The following MORC1 variants were observed in gnomAD, a reference collection of about 807,000 sequenced individuals.
The protein encoded by MORC1 is MORC family CW-type zinc finger protein 1.
In MORC1, 59 loss-of-function variants were observed where a neutral mutation model predicts 134.9. The observed-to-expected ratio is 0.44, with a 90% CI of 0.35 to 0.54. MORC1 has a LOEUF of 0.54. MORC1 is among the 20% of genes least tolerant of loss of function. The probability of loss-of-function intolerance (pLI) is 0.00; values close to 1 mark genes in which losing one functional copy is unlikely to be tolerated. For missense variants in MORC1, 947 were observed against 1,134.5 expected (o/e 0.83, Z 2.37); for synonymous variants, 395 against 391.7 (o/e 1.01, Z -0.10).
intron 8 of MORC1, among the ~76,000 whole-genome samples, chr3:109,074,611 G>A (rs1350396707): frequency 6.6e-6 from 1 of 152,172 alleles, no homozygotes; most frequent in Non-Finnish European, 1.5e-5. Flanking sequence ...GAAGGACAAT[G>A]GAACTGACAT....
At chr3:109,035,621 G>A (rs1008398655) in intron 14 of MORC1, among the ~76,000 whole-genome samples, 153 bp from the exon 15 acceptor site, 3 of 152,126 alleles carry the variant, frequency 2.0e-5, no homozygotes, top group East Asian at 1.9e-4. Context: ...AATATTGGTT[G>A]TCTCTGAATA....
intron 2 of MORC1, 143 bp downstream of exon 2, chr3:109,114,241 A>G: frequency 3.2e-6 from 2 of 634,684 alleles, no homozygotes; most frequent in Non-Finnish European, 5.1e-6. Flanking sequence ...TTTTTCCTAG[A>G]ACACCTTGAT....
At position 109,118,104 on chromosome 3, in the gene MORC1, G is replaced by C; in HGVS notation, c.-45C>G. 1 of 1,578,082 alleles carries C rather than the reference G, an allele frequency of 6.3e-7. No individual in the cohort carries two copies. The highest frequency in any genetic ancestry group is 8.6e-7 in the Non-Finnish European group (1 of 1,159,664). ...GCAACTCAAGGGGACAAGGACACCTGACCGGCAGCCGTTCGCCTGCGCCCG... is the reference window on the plus strand; with the variant it reads ...GCAACTCAAGGGGACAAGGACACCTCACCGGCAGCCGTTCGCCTGCGCCCG... On this transcript the variant is annotated 5_prime_UTR_variant, in exon 1 of 28. Transcript: ENST00000232603.
At chr3:109,061,138 G>T (rs1040031353) in intron 11 of MORC1, among the ~76,000 whole-genome samples, 1 of 152,112 alleles carries the variant, frequency 6.6e-6, no homozygotes, top group Non-Finnish European at 1.5e-5. Flanking sequence ...CTTGGTCCTG[G>T]AAAGTCAAAT....
intron 8 of MORC1, 91 bp from the exon 9 acceptor site, chr3:109,069,848 T>C (rs1950278680): frequency 5.2e-6 from 7 of 1,349,650 alleles, no homozygotes; most frequent in Non-Finnish European, 6.9e-6. Context: ...CAGGTTATTA[T>C]TGTTACTACA....
intron 23 of MORC1, among the ~76,000 whole-genome samples, chr3:108,984,274 CTGA>C (rs1483075689): frequency 6.6e-6 from 1 of 151,978 alleles, no homozygotes; most frequent in Non-Finnish European, 1.5e-5. Context: ...AAACATTCAG[CTGA>C]TTTCATTTTA....
chr3:109,008,195 C>G (rs1347797791), intron 17 of MORC1, among the ~76,000 whole-genome samples: 1 of 152,068 alleles, frequency 6.6e-6, no homozygotes, highest in Non-Finnish European at 1.5e-5. Flanking sequence ...TTTGGATCTT[C>G]TCAATCTTTT....
intron 8 of MORC1, 81 bp from the exon 9 acceptor site, chr3:109,069,838 C>A: frequency 7.0e-7 from 1 of 1,420,182 alleles, no homozygotes. Context: ...ATCAGACTAT[C>A]AGGTTATTAT....
chr3:108,996,590 A>C (rs1243061493), intron 21 of MORC1, among the ~76,000 whole-genome samples: 1 of 152,196 alleles, frequency 6.6e-6, no homozygotes, highest in African/African-American at 2.4e-5. Context: ...CTTTAACCAA[A>C]TCCCAGTTGG....
At chr3:109,008,722 A>G (rs867321338) in intron 17 of MORC1, among the ~76,000 whole-genome samples, 1 of 152,028 alleles carries the variant, frequency 6.6e-6, no homozygotes, top group East Asian at 1.9e-4. Context: ...ACTATATATA[A>G]TATTTTTAGC....
rs753276809 is a variant in MORC1 at position 109,061,969 on chromosome 3, CT to C, written c.966+18del. ...CACAATTTGCCATTTAATAAGACTA[CT>C]CTCTTTACATGTCGTACCTTGGCAG... On this transcript the variant is annotated intron_variant, in intron 11 of 27. Coordinates refer to ENST00000232603, the MANE Select transcript of MORC1 (RefSeq NM_014429.4). The C allele has an allele frequency of 6.2e-7, 1 of 1,609,738 alleles. No individual in the cohort carries two copies. The highest frequency in any genetic ancestry group is 1.1e-5 in the South Asian group (1 of 91,010).
At chr3:109,029,020 C>G (rs1949167255) in intron 16 of MORC1, among the ~76,000 whole-genome samples, 1 of 152,014 alleles carries the variant, frequency 6.6e-6, no homozygotes, top group Non-Finnish European at 1.5e-5. Flanking sequence ...GGCTGAGGAT[C>G]GAGAGAGGAC....
At chr3:109,069,302 A>G (rs1259686196) in intron 9 of MORC1, among the ~76,000 whole-genome samples, 1 of 152,220 alleles carries the variant, frequency 6.6e-6, no homozygotes, top group Non-Finnish European at 1.5e-5. Context: ...GTTCAAATGT[A>G]TTGTGTAAAC....
chr3:109,025,515 G>C (rs1300725893), intron 17 of MORC1, among the ~76,000 whole-genome samples: 1 of 150,486 alleles, frequency 6.6e-6, no homozygotes, highest in Non-Finnish European at 1.5e-5. Flanking sequence ...TGAAGTAGCT[G>C]GGATTACAGG....
At chr3:109,075,819 T>A (rs1028743952) in intron 8 of MORC1, among the ~76,000 whole-genome samples, 1 of 152,152 alleles carries the variant, frequency 6.6e-6, no homozygotes, top group Non-Finnish European at 1.5e-5. Flanking sequence ...AATAGTTTTT[T>A]TTTTATTCTG....
Position 108,959,102 on chromosome 3 carries a change from G to C in MORC1, c.2818C>G (p.Leu940Val). 6 of 1,579,890 alleles carry C rather than the reference G, an allele frequency of 3.8e-6. No individual in the cohort carries two copies. The highest frequency in any genetic ancestry group is 1.4e-5 in the African/African-American group (1 of 72,482). Residue 940 changes from leucine (L) to valine (V), a missense_variant, in exon 28 of 28, where the codon CTG (leucine) becomes GTG (valine). Physicochemically the swap from Leu to Val is conservative, Grantham distance 32 (BLOSUM62 1). Transcript: ENST00000232603. ...KLQLGGPEGD[L>V]EQTDTYLEAL... The stretch of plus-strand genomic sequence containing the variant: ...TCTAAATAAGTGTCAGTCTGCTCCA[G>C]GTCACCTTCTGGACCACCCTGGAAA...
intron 14 of MORC1, among the ~76,000 whole-genome samples, chr3:109,044,813 C>T (rs557934538): frequency 1.5e-4 from 22 of 149,326 alleles, no homozygotes; most frequent in African/African-American, 1.2e-4. Flanking sequence ...GGTGTGGTGG[C>T]GGGCATCTGT....
chr3:109,107,962 G>A (rs1397599733), intron 3 of MORC1, among the ~76,000 whole-genome samples: 1 of 152,172 alleles, frequency 6.6e-6, no homozygotes. Context: ...TTGGGAGGCT[G>A]AGGCAGAGGG....
At chr3:109,054,591 CT>C in intron 14 of MORC1, 136 bp downstream of exon 14, 1 of 732,062 alleles carries the variant, frequency 1.4e-6, no homozygotes, top group Non-Finnish European at 2.0e-6. Flanking sequence ...CTTCTCACTC[CT>C]GTTTTTAAAG....
Sources: gnomAD v4.1 joint callset for allele counts (sites outside exome capture counted in the v4.1 genomes callset) on GRCh38, gnomAD v4.1.1 for gene constraint, MANE v1.5 for transcripts, NCBI Gene and HGNC (gene_info 2026-07-23, HGNC 2026-07-21) for gene names.